Variants in EXOSC9 observed in about 807,000 individuals in gnomAD.
EXOSC9 encodes the protein exosome component 9, also known as exosome complex component RRP45.
Under a neutral mutation model 56.5 loss-of-function variants are expected in EXOSC9, and 38 were observed. That is an observed-to-expected ratio of 0.67 (90% CI 0.52 to 0.88). The LOEUF (loss-of-function observed/expected upper bound fraction) is 0.88, where lower values mean the gene tolerates loss of function less well. Ranked by LOEUF, EXOSC9 falls within the 40% of genes least tolerant of loss-of-function variation. The probability of loss-of-function intolerance (pLI) is 0.00; values close to 1 mark genes in which losing one functional copy is unlikely to be tolerated. For missense variants in EXOSC9, 559 were observed against 530.5 expected (o/e 1.05, Z -0.53); for synonymous variants, 170 against 170.8 (o/e 0.99, Z 0.04).
intron 11 of EXOSC9, 40 bp from the exon 12 acceptor site, chr4:121,816,732 A>T: frequency 1.3e-6 from 2 of 1,533,420 alleles, no homozygotes; most frequent in South Asian, 2.5e-5. Context: ...TCCAAAACTT[A>T]ACATACTCTT....
intron 5 of EXOSC9, among the ~76,000 whole-genome samples, chr4:121,806,275 C>T (rs903382700): frequency 4.6e-5 from 7 of 152,104 alleles, no homozygotes; most frequent in Admixed American, 6.5e-5. Context: ...GCCTCAGCCT[C>T]CCAAGTAGCT....
At chr4:121,812,313 A>G (rs537290609) in intron 8 of EXOSC9, among the ~76,000 whole-genome samples, 1 of 152,032 alleles carries the variant, frequency 6.6e-6, no homozygotes, top group East Asian at 1.9e-4. Flanking sequence ...CTTTTAATAT[A>G]TTTTTTTTCT....
chr4:121,804,770 A>C lies in EXOSC9; in HGVS notation c.522+11A>C, dbSNP rs755039836. The C allele has an allele frequency of 1.3e-5, 20 of 1,586,898 alleles. No homozygotes were observed. Among genetic ancestry groups the C allele is most frequent in the Non-Finnish European group, 1.6e-5 (19 of 1,162,762 alleles). Reference sequence around the variant, plus strand: ...GATGAAGTAACACTGGTAAGCTCCTATGTGAACCAGGATCCTTGATATGAA... The same window carrying C: ...GATGAAGTAACACTGGTAAGCTCCTCTGTGAACCAGGATCCTTGATATGAA... On this transcript the variant is annotated intron_variant, in intron 5 of 11. Transcript: ENST00000243498.
At chr4:121,806,871 C>T (rs142974926) in intron 5 of EXOSC9, among the ~76,000 whole-genome samples, 234 of 152,014 alleles carry the variant, frequency 1.5e-3, no homozygotes, top group African/African-American at 4.9e-3. Flanking sequence ...CAGACTCCTA[C>T]GGACTACAGA....
intron 10 of EXOSC9, 98 bp from the exon 11 acceptor site, chr4:121,816,271 G>A: frequency 2.7e-6 from 2 of 749,090 alleles, no homozygotes; most frequent in Non-Finnish European, 4.2e-6. Flanking sequence ...AGAAATAAGA[G>A]TTTAGAACGT....
intron 9 of EXOSC9, 97 bp from the exon 10 acceptor site, chr4:121,813,769 C>T: frequency 1.1e-6 from 1 of 894,534 alleles, no homozygotes; most frequent in Non-Finnish European, 1.7e-6. Context: ...TTGGGGCACA[C>T]TTGAATCAAT....
rs541767678 is a variant in EXOSC9 at position 121,805,053 on chromosome 4, C to A, written c.522+294C>A. ...GAAGTGGTTGACTTATGTTTAGGGG[C>A]CATATGTGTGAAAAATACATGAATC... On this transcript the variant is annotated intron_variant, in intron 5 of 11. Coordinates refer to ENST00000243498, the MANE Select transcript of EXOSC9 (RefSeq NM_005033.3). Among the ~76,000 whole-genome samples the A allele has an allele frequency of 9.2e-5, 14 of 152,238 alleles. No individual in the cohort carries two copies. The South Asian group carries it at 2.9e-3, about 32-fold the overall frequency.
At position 121,810,044 on chromosome 4, in the gene EXOSC9, A is replaced by G. The variant is rs753686265; in HGVS notation, c.683A>G (p.His228Arg). 1.9e-6 allele frequency: 3 copies of G among 1,613,600 alleles called. No individual in the cohort carries two copies. The South Asian group carries it at 3.3e-5, about 18-fold the overall frequency. ...DGLLVIAMNKHREICTIQSSG... is the reference protein window; with the variant it reads ...DGLLVIAMNKRREICTIQSSG... Reference sequence around the variant, plus strand: ...TTGCTGGTGATTGCCATGAACAAACATCGAGAGATTTGTACTATCCAGTCC... The same window carrying G: ...TTGCTGGTGATTGCCATGAACAAACGTCGAGAGATTTGTACTATCCAGTCC... Residue 228 changes from histidine to arginine, a missense_variant, in exon 7 of 12, where the codon CAT becomes CGT. Coordinates refer to ENST00000243498, the MANE Select transcript of EXOSC9 (RefSeq NM_005033.3).
At chr4:121,813,803 CTCATCT>C in intron 9 of EXOSC9, 57 bp from the exon 10 acceptor site, 1 of 1,223,494 alleles carries the variant, frequency 8.2e-7, no homozygotes, top group Non-Finnish European at 1.2e-6. Context: ...AACTTTCATT[CTCATCT>C]TCAACAGTTC....
chr4:121,804,566 A>G, intron 4 of EXOSC9, 56 bp from the exon 5 acceptor site: 2 of 1,160,296 alleles, frequency 1.7e-6, no homozygotes, highest in Non-Finnish European at 2.5e-6. Flanking sequence ...TTTCCTGATA[A>G]ATAGCCACTG....
In EXOSC9 at chr4:121,817,010, C is replaced by A. The variant is rs1724546917; in HGVS notation, c.*154C>A. 1.2e-5 allele frequency: 9 copies of A among 723,906 alleles called. No individual in the cohort carries two copies. The highest frequency in any genetic ancestry group is 1.5e-5 in the Non-Finnish European group (7 of 471,378). The allele number at this position is 723,906 out of a possible 1,614,324, so 44.8% of individuals were successfully genotyped here. A position where few individuals can be genotyped will look rare whatever the true frequency, so the allele number is the denominator to read the frequency against. ...TTTTAATGTGCTTTAAAATAATAAACCTTCTGGAGCATTTCTCGTCTGTTA... is the reference window on the plus strand; with the variant it reads ...TTTTAATGTGCTTTAAAATAATAAAACTTCTGGAGCATTTCTCGTCTGTTA... On this transcript the variant is annotated 3_prime_UTR_variant, in exon 12 of 12. Transcript: ENST00000243498.
chr4:121,816,883 T>TAA lies in EXOSC9; in HGVS notation c.*28_*29dup. 2 of 1,512,238 alleles carry TAA rather than the reference T, an allele frequency of 1.3e-6. No individual in the cohort carries two copies. The highest frequency in any genetic ancestry group is 1.8e-6 in the Non-Finnish European group (2 of 1,124,156). 93.7% of individuals were successfully genotyped at this position (1,512,238 alleles called of 1,614,324 possible). ...GCTAACAGTTGTATATCTGTATATA[T>TAA]AACTATTAAAAGGGATATTTATTCC... On this transcript the variant is annotated 3_prime_UTR_variant, in exon 12 of 12. Transcript: ENST00000243498.
At chr4:121,812,314 T>A (rs1376007664) in intron 8 of EXOSC9, among the ~76,000 whole-genome samples, 9 of 152,026 alleles carry the variant, frequency 5.9e-5, no homozygotes, top group Admixed American at 5.2e-4. Flanking sequence ...TTTTAATATA[T>A]TTTTTTTCTT....
chr4:121,807,399 C>G, intron 5 of EXOSC9, 141 bp from the exon 6 acceptor site: 1 of 479,906 alleles, frequency 2.1e-6, no homozygotes, highest in East Asian at 3.3e-5. Flanking sequence ...CAAAATCAAA[C>G]TGGTAATTAA....
In EXOSC9 at chr4:121,801,368, A is replaced by T; in HGVS notation, c.-57A>T. ...GGCGAGCAGCGGCGCGCAAGGAAAG[A>T]TCGGGTTCCGTTTTTCCCGCGGATT... On this transcript the variant is annotated 5_prime_UTR_variant, in exon 1 of 12. Transcript: ENST00000243498. The T allele has an allele frequency of 6.5e-7, 1 of 1,527,664 alleles. No individual in the cohort carries two copies. The highest frequency in any genetic ancestry group is 9.1e-7 in the Non-Finnish European group (1 of 1,101,224). 94.6% of individuals were successfully genotyped at this position (1,527,664 alleles called of 1,614,324 possible). A position where few individuals can be genotyped will look rare whatever the true frequency, so the allele number is the denominator to read the frequency against.
chr4:121,803,989 T>A (rs2149034444), intron 4 of EXOSC9, among the ~76,000 whole-genome samples: 1 of 152,296 alleles, frequency 6.6e-6, no homozygotes, highest in South Asian at 2.1e-4. Context: ...TAATTTTTTT[T>A]AATTTTTGAA....
rs532310474 is a variant in EXOSC9, at chr4:121,816,760, C to T, written c.1236-12C>T. 8 of 1,569,422 alleles carry T rather than the reference C, an allele frequency of 5.1e-6. No individual in the cohort carries two copies. In the African/African-American group the frequency reaches 9.7e-5, roughly 19 times the overall value. On this transcript the variant is annotated splice_polypyrimidine_tract_variant and intron_variant, in intron 11 of 11. Transcript: ENST00000243498. ...ATACTCTTAGTAAATTCTTACTTTGCTTTATTCACAGAACACAGACCACCA... is the reference window on the plus strand; with the variant it reads ...ATACTCTTAGTAAATTCTTACTTTGTTTTATTCACAGAACACAGACCACCA...
At chr4:121,805,607 A>G (rs1304451536) in intron 5 of EXOSC9, among the ~76,000 whole-genome samples, 1 of 152,092 alleles carries the variant, frequency 6.6e-6, no homozygotes, top group Admixed American at 6.6e-5. Flanking sequence ...TAGAGGAGGG[A>G]GTTTATATAA....
Position 121,816,842 on chromosome 4 carries a change from A to AGAGCTGCCAATTAAAGCTAACAGTTGT in EXOSC9, c.1307_*13dup. Reference sequence around the variant, plus strand: ...GCCAGTGAAAAGAAGAAAAAAGAAGAGAGCTGCCAATTAAAGCTAACAGTT... The same window carrying AGAGCTGCCAATTAAAGCTAACAGTTGT: ...GCCAGTGAAAAGAAGAAAAAAGAAGAGAGCTGCCAATTAAAGCTAACAGTTGTGAGCTGCCAATTAAAGCTAACAGTT... On this transcript the variant is annotated stop_gained and inframe_insertion, in exon 12 of 12. Transcript: ENST00000243498. LOFTEE classifies it high-confidence loss of function. 6.3e-7 allele frequency: 1 copy of AGAGCTGCCAATTAAAGCTAACAGTTGT among 1,591,052 alleles called. No individual in the cohort carries two copies. Among genetic ancestry groups the AGAGCTGCCAATTAAAGCTAACAGTTGT allele is most frequent in the Non-Finnish European group, 8.6e-7 (1 of 1,166,308 alleles).
Sources: gnomAD v4.1 joint callset for allele counts (sites outside exome capture counted in the v4.1 genomes callset) on GRCh38, gnomAD v4.1.1 for gene constraint, MANE v1.5 for transcripts, NCBI Gene and HGNC (gene_info 2026-07-23, HGNC 2026-07-21) for gene names.